Variants in ERLEC1 observed in about 807,000 individuals in gnomAD.
The protein encoded by ERLEC1 is ER lectin.
In ERLEC1, 47 loss-of-function variants were observed where a neutral mutation model predicts 68.0. The ratio of observed to expected loss-of-function variants is 0.69; its 90% CI spans 0.55 to 0.88. The LOEUF is 0.88. Ranked by LOEUF, ERLEC1 falls within the 40% of genes least tolerant of loss-of-function variation. The probability of loss-of-function intolerance (pLI) is 0.00; values close to 1 mark genes in which losing one functional copy is unlikely to be tolerated. For missense variants in ERLEC1, 567 were observed against 583.8 expected (o/e 0.97, Z 0.30); for synonymous variants, 225 against 203.2 (o/e 1.11, Z -0.91).
At chr2:53,795,312 C>T (rs530054124) in intron 2 of ERLEC1, among the ~76,000 whole-genome samples, 7 of 152,278 alleles carry the variant, frequency 4.6e-5, no homozygotes, top group Admixed American at 4.6e-4. Flanking sequence ...AAACTGACTT[C>T]CTCCACTCAA....
At chr2:53,807,784 A>C (rs1407944872) in intron 8 of ERLEC1, among the ~76,000 whole-genome samples, 1 of 152,074 alleles carries the variant, frequency 6.6e-6, no homozygotes, top group Non-Finnish European at 1.5e-5. Context: ...AGGTGGGTAG[A>C]TTACTTGAGG....
intron 1 of ERLEC1, among the ~76,000 whole-genome samples, chr2:53,791,678 G>A (rs1261604755): frequency 1.3e-5 from 2 of 152,070 alleles, no homozygotes; most frequent in African/African-American, 2.4e-5. Context: ...ACTATTATTT[G>A]CATCAAGAAT....
intron 1 of ERLEC1, among the ~76,000 whole-genome samples, chr2:53,788,988 G>A (rs773023204): frequency 2.0e-5 from 3 of 151,766 alleles, no homozygotes; most frequent in Non-Finnish European, 4.4e-5. Context: ...TACTATAAGC[G>A]AGCGACTAAA....
At chr2:53,804,109 C>G (rs904208982) in intron 8 of ERLEC1, among the ~76,000 whole-genome samples, 1 of 151,782 alleles carries the variant, frequency 6.6e-6, no homozygotes, top group South Asian at 2.1e-4. Context: ...CCAGCCTGGG[C>G]GACAAAGCGA....
rs1006863061 is a variant in ERLEC1, at chr2:53,787,231, C to T, written c.21C>T (p.Gly7=). MEEGGG[G]VRSLVPGGPV... ...GGAGGATGGAGGAAGGAGGCGGCGGCGTACGGAGTCTGGTCCCGGGCGGGC... is the reference window on the plus strand; with the variant it reads ...GGAGGATGGAGGAAGGAGGCGGCGGTGTACGGAGTCTGGTCCCGGGCGGGC... Residue 7 remains glycine, a synonymous_variant, in exon 1 of 14, where the codon GGC becomes GGT. Coordinates refer to ENST00000185150, the MANE Select transcript of ERLEC1 (RefSeq NM_015701.5). 14 of 1,604,456 alleles carry T rather than the reference C, an allele frequency of 8.7e-6. No individual in the cohort carries two copies. Among genetic ancestry groups the T allele is most frequent in the Admixed American group, 1.7e-5 (1 of 59,844 alleles).
chr2:53,795,096 G>A (rs893708833), intron 2 of ERLEC1, among the ~76,000 whole-genome samples: 2 of 152,084 alleles, frequency 1.3e-5, no homozygotes, highest in African/African-American at 4.8e-5. Context: ...AAGTCTGTAG[G>A]TACCCCATGC....
intron 8 of ERLEC1, among the ~76,000 whole-genome samples, chr2:53,807,432 G>C (rs1676353505): frequency 8.3e-6 from 1 of 119,824 alleles, no homozygotes; most frequent in Non-Finnish European, 1.7e-5. Context: ...TTGAGACAGA[G>C]TCTCACTCTG....
In ERLEC1 at chr2:53,818,145, G is replaced by A; in HGVS notation, c.*176G>A. On this transcript the variant is annotated 3_prime_UTR_variant, in exon 14 of 14. Transcript: ENST00000185150. ...TATAAGAGGTTATTGATAAACTTCT[G>A]AGGCAGACATTTGTCTCGCTTTTTT... 1 of 456,470 alleles carries A rather than the reference G, an allele frequency of 2.2e-6. No homozygotes were observed. Among genetic ancestry groups the A allele is most frequent in the South Asian group, 4.7e-5 (1 of 21,458 alleles). 28.3% of individuals were successfully genotyped at this position (456,470 alleles called of 1,614,324 possible).
intron 6 of ERLEC1, among the ~76,000 whole-genome samples, chr2:53,800,408 C>A (rs548163741): frequency 2.7e-4 from 41 of 152,144 alleles, no homozygotes; most frequent in African/African-American, 9.4e-4. Context: ...TCTGCTTTTA[C>A]AAATGATAAA....
rs34142625 is a variant in ERLEC1 at position 53,801,577 on chromosome 2, G to A, written c.706G>A (p.Val236Ile). ...VAEVTTCEYE[V>I]VILTPLLCSH... Reference sequence around the variant, plus strand: ...TGAAGTTACAACTTGTGAATATGAAGTTGTCATTTTGACACCACTCTTGTG... The same window carrying A: ...TGAAGTTACAACTTGTGAATATGAAATTGTCATTTTGACACCACTCTTGTG... Residue 236 changes from valine to isoleucine, a missense_variant, in exon 7 of 14, where the codon GTT becomes ATT. By Grantham distance (29) the Val-to-Ile change is conservative. Transcript: ENST00000185150. 1.1e-4 allele frequency: 181 copies of A among 1,614,036 alleles called. No homozygotes were observed. Among genetic ancestry groups the A allele is most frequent in the Middle Eastern group, 5.0e-4 (3 of 6,056 alleles).
At position 53,818,695 on chromosome 2, in the gene ERLEC1, GT is replaced by G. The variant is rs1431208762; in HGVS notation, c.*727del. On this transcript the variant is annotated 3_prime_UTR_variant, in exon 14 of 14. Transcript: ENST00000185150. ...GAATGGTTTACTCTAACAAAACACT[GT>G]GCTGTCTATCCCTTGTACTTGCCTA... 2 of 152,340 alleles carry G rather than the reference GT, an allele frequency of 1.3e-5. No individual in the cohort carries two copies. The highest frequency in any genetic ancestry group is 4.1e-4 in the South Asian group (2 of 4,824). 9.4% of individuals were successfully genotyped at this position (152,340 alleles called of 1,614,324 possible).
Position 53,809,876 on chromosome 2 carries a change from T to C in ERLEC1, c.1101+603T>C, listed in dbSNP as rs536344813. On this transcript the variant is annotated intron_variant, in intron 10 of 13. Coordinates refer to ENST00000185150, the MANE Select transcript of ERLEC1 (RefSeq NM_015701.5). ...TTCGAGACCAGCCTGGCCAACATGG[T>C]GAAAACCCGTCTCTACTACTAAAAA... is the stretch of plus-strand genomic sequence containing the variant. 3.2e-4 allele frequency among the ~76,000 whole-genome samples: 48 copies of C among 151,372 alleles called. 1 individual carries two copies. The highest frequency in any genetic ancestry group is 3.2e-3 in the Admixed American group (48 of 15,190).
At chr2:53,809,396 T>G (rs1257714341) in intron 10 of ERLEC1, 123 bp downstream of exon 10, 2 of 715,008 alleles carry the variant, frequency 2.8e-6, no homozygotes, top group Non-Finnish European at 4.4e-6. Flanking sequence ...ATGATTAGTA[T>G]AATCAAAGTA....
intron 1 of ERLEC1, among the ~76,000 whole-genome samples, chr2:53,791,339 A>C (rs1326485194): frequency 5.9e-5 from 9 of 152,226 alleles, no homozygotes. Flanking sequence ...TCAAATCGCT[A>C]ATTTCCTCTT....
At chr2:53,793,734 C>T (rs1354600338) in intron 1 of ERLEC1, among the ~76,000 whole-genome samples, 1 of 152,050 alleles carries the variant, frequency 6.6e-6, no homozygotes, top group African/African-American at 2.4e-5. Context: ...TAACTTCAAT[C>T]TGTTGCATTC....
intron 2 of ERLEC1, 117 bp from the exon 3 acceptor site, chr2:53,795,814 CTT>C: frequency 1.5e-6 from 1 of 658,078 alleles, no homozygotes; most frequent in African/African-American, 1.9e-5. Context: ...AACATTTTGA[CTT>C]TTTTTTCTCT....
intron 2 of ERLEC1, 109 bp downstream of exon 2, chr2:53,794,558 T>C (rs180992946): frequency 5.2e-6 from 3 of 572,636 alleles, no homozygotes; most frequent in Admixed American, 7.6e-5. Flanking sequence ...TCAATAACGC[T>C]CTTTTAGCAT....
intron 6 of ERLEC1, among the ~76,000 whole-genome samples, chr2:53,800,916 T>C (rs1382842742): frequency 6.6e-6 from 1 of 152,116 alleles, no homozygotes; most frequent in Non-Finnish European, 1.5e-5. Flanking sequence ...TAAACTTCTG[T>C]TTTAGAATAG....
chr2:53,810,792 T>G (rs895653005), intron 10 of ERLEC1, among the ~76,000 whole-genome samples: 1 of 152,220 alleles, frequency 6.6e-6, no homozygotes, highest in African/African-American at 2.4e-5. Context: ...CACTTAAACC[T>G]GAGAGGTTTC....
Sources: gnomAD v4.1 joint callset for allele counts (sites outside exome capture counted in the v4.1 genomes callset) on GRCh38, gnomAD v4.1.1 for gene constraint, MANE v1.5 for transcripts, NCBI Gene and HGNC (gene_info 2026-07-23, HGNC 2026-07-21) for gene names.